CREB3L2: variants seen among roughly 807,000 people sequenced by gnomAD.
CREB3L2 encodes cyclic AMP-responsive element-binding protein 3-like protein 2.
Under a neutral mutation model 57.2 loss-of-function variants are expected in CREB3L2, and 23 were observed. The ratio of observed to expected loss-of-function variants is 0.40; its 90% confidence interval spans 0.29 to 0.57. The LOEUF (loss-of-function observed/expected upper bound fraction) is 0.57. Ranked by LOEUF, CREB3L2 falls within the 20% of genes least tolerant of loss-of-function variation. The pLI is 0.42. For synonymous variants in CREB3L2, 268 were observed against 265.1 expected (o/e 1.01, Z -0.11); for missense variants, 628 against 634.7 (o/e 0.99, Z 0.11).
intron 1 of CREB3L2, among the ~76,000 whole-genome samples, chr7:137,945,886 T>G (rs1800963677): frequency 6.6e-6 from 1 of 152,208 alleles, no homozygotes. Flanking sequence ...ATTTCCACCT[T>G]GAGCCGCTAC....
chr7:137,957,744 C>G lies in CREB3L2; in HGVS notation c.103-29378G>C, dbSNP rs754881110. 6 of 1,287,584 alleles carry G rather than the reference C, an allele frequency of 4.7e-6. No homozygotes were observed. The East Asian group carries it at 3.3e-4, about 71-fold the overall frequency. The allele number at this position is 1,287,584 out of a possible 1,614,324, so 79.8% of individuals were successfully genotyped here. On this transcript the variant is annotated intron_variant, in intron 1 of 11. Transcript: ENST00000330387. Reference sequence around the variant, plus strand: ...CTTCACAAGTTTTCTTCAAAGAACGCACCTGTAAGAAAGAAGACTGGCTGT... The same window carrying G: ...CTTCACAAGTTTTCTTCAAAGAACGGACCTGTAAGAAAGAAGACTGGCTGT...
intron 1 of CREB3L2, among the ~76,000 whole-genome samples, chr7:137,962,118 G>C (rs915571497): frequency 7.9e-5 from 12 of 152,164 alleles, no homozygotes; most frequent in African/African-American, 2.9e-4. Context: ...CTCACTGAAT[G>C]TTCACGTTGA....
At chr7:137,884,312 T>A (rs1799364314) in intron 10 of CREB3L2, 1 of 151,634 alleles carries the variant, frequency 6.6e-6, no homozygotes, top group Non-Finnish European at 1.5e-5. Flanking sequence ...AGTGGTGCGA[T>A]CTCGGCTCAC....
rs1799655178 is a variant in CREB3L2, at chr7:137,897,627, T to C, written c.1043+3727A>G. Among the ~76,000 whole-genome samples the C allele has an allele frequency of 3.9e-5, 6 of 152,258 alleles. No individual in the cohort carries two copies. In the South Asian group the frequency reaches 1.2e-3, roughly 32 times the overall value. ...ACCCACCTGCCTCGGCCTCCCAAAG[T>C]GCTAGGATTACAGTCATGAGCCACT... is the stretch of plus-strand genomic sequence containing the variant. On this transcript the variant is annotated intron_variant, in intron 8 of 11. Coordinates refer to ENST00000330387, the MANE Select transcript of CREB3L2 (RefSeq NM_194071.4).
chr7:138,000,773 T>C (rs1375534845), intron 1 of CREB3L2, among the ~76,000 whole-genome samples: 1 of 152,068 alleles, frequency 6.6e-6, no homozygotes, highest in African/African-American at 2.4e-5. Flanking sequence ...GTGCTGGCTA[T>C]TGAAAACAAA....
At chr7:137,955,156 T>A (rs1563264797) in intron 1 of CREB3L2, 1 of 539,436 alleles carries the variant, frequency 1.9e-6, no homozygotes, top group African/African-American at 1.9e-5. Context: ...TTATAAGTGG[T>A]TACAGATACG....
At chr7:137,888,904 A>G (rs1451959758) in intron 8 of CREB3L2, among the ~76,000 whole-genome samples, 1 of 151,990 alleles carries the variant, frequency 6.6e-6, no homozygotes, top group Admixed American at 6.6e-5. Flanking sequence ...TTCTCCATCC[A>G]GGCTTCAGTT....
chr7:137,925,383 A>G (rs1395502216), intron 2 of CREB3L2, among the ~76,000 whole-genome samples: 1 of 152,192 alleles, frequency 6.6e-6, no homozygotes, highest in Non-Finnish European at 1.5e-5. Flanking sequence ...GTATAATGAA[A>G]TATTAATTCC....
chr7:137,982,676 GT>G (rs1301095393), intron 1 of CREB3L2, among the ~76,000 whole-genome samples: 2 of 152,146 alleles, frequency 1.3e-5, no homozygotes, highest in Non-Finnish European at 2.9e-5. Flanking sequence ...ACGTGGAACT[GT>G]GAGTCAATTA....
At chr7:137,999,958 G>T (rs1802049076) in intron 1 of CREB3L2, 1 of 152,198 alleles carries the variant, frequency 6.6e-6, no homozygotes, top group South Asian at 2.1e-4. Flanking sequence ...TGTGCATAAG[G>T]TGTTAGTTAG....
intron 1 of CREB3L2, among the ~76,000 whole-genome samples, chr7:137,967,821 C>T (rs957514940): frequency 6.6e-6 from 1 of 152,234 alleles, no homozygotes; most frequent in African/African-American, 2.4e-5. Context: ...CCTGCATGAA[C>T]TTCCAACCAT....
At position 137,880,238 on chromosome 7, in the gene CREB3L2, G is replaced by A. The variant is rs1417862822; in HGVS notation, c.*238C>T. 3.7e-6 allele frequency: 2 copies of A among 541,416 alleles called. No homozygotes were observed. The highest frequency in any genetic ancestry group is 3.2e-5 in the Admixed American group (1 of 31,314). 33.5% of individuals were successfully genotyped at this position (541,416 alleles called of 1,614,324 possible). A position where few individuals can be genotyped will look rare whatever the true frequency, so the allele number is the denominator to read the frequency against. Reference sequence around the variant, plus strand: ...TCCAACCCCTAAAATAATTTCCTATGGCAGTAAGAGAAAGGAAGGGAGGGA... The same window carrying A: ...TCCAACCCCTAAAATAATTTCCTATAGCAGTAAGAGAAAGGAAGGGAGGGA... On this transcript the variant is annotated 3_prime_UTR_variant, in exon 12 of 12. Transcript: ENST00000330387. The surrounding 1 kb of genome is among the most constrained non-coding windows in gnomAD (Gnocchi z 4.0).
rs1052768981 is a variant in CREB3L2 at position 137,913,045 on chromosome 7, T to G, written c.529A>C (p.Ile177Leu). The stretch of plus-strand genomic sequence containing the variant: ...TCCACTTCATGAGGCTCCAGCTTAA[T>G]TTTAGGAATAATGGTCTGGCACGAG... ...DSSCQTIIPK[I>L]KLEPHEVDQF... Residue 177 changes from isoleucine to leucine, a missense_variant, in exon 4 of 12, where the codon ATT (isoleucine) becomes CTT (leucine). By Grantham distance (5) the Ile-to-Leu change is conservative. Around this residue, in one of 3 missense-constraint regions of CREB3L2, gnomAD observed 339 missense variants for 355.4 expected, o/e 0.95. Coordinates refer to ENST00000330387, the MANE Select transcript of CREB3L2 (RefSeq NM_194071.4). The G allele has an allele frequency of 1.2e-6, 2 of 1,613,970 alleles. No individual in the cohort carries two copies. Among genetic ancestry groups the G allele is most frequent in the Admixed American group, 1.7e-5 (1 of 59,984 alleles).
At position 137,874,984 on chromosome 7, in the gene CREB3L2, A is replaced by G. The variant is rs1258109359; in HGVS notation, c.*5492T>C. Reference sequence around the variant, plus strand: ...TATAAAGACTGGGCAACATCTTACTATTTAAGAAAAAATATTTATTTGCAA... The same window carrying G: ...TATAAAGACTGGGCAACATCTTACTGTTTAAGAAAAAATATTTATTTGCAA... On this transcript the variant is annotated 3_prime_UTR_variant, in exon 12 of 12. Transcript: ENST00000330387. 1.1e-5 allele frequency: 2 copies of G among 179,710 alleles called. No homozygotes were observed. The highest frequency in any genetic ancestry group is 4.7e-5 in the African/African-American group (2 of 42,340). 11.1% of individuals were successfully genotyped at this position (179,710 alleles called of 1,614,324 possible).
chr7:137,895,318 A>G (rs1799606783), intron 8 of CREB3L2, among the ~76,000 whole-genome samples: 1 of 152,264 alleles, frequency 6.6e-6, no homozygotes, highest in South Asian at 2.1e-4. Context: ...CCACACAGGC[A>G]CTGCTCAGAC....
In CREB3L2 at chr7:137,905,743, C is replaced by G; in HGVS notation, c.874G>C (p.Glu292Gln). The G allele has an allele frequency of 6.2e-7, 1 of 1,614,170 alleles. No individual in the cohort carries two copies. The highest frequency in any genetic ancestry group is 1.3e-5 in the African/African-American group (1 of 75,052). Residue 292 changes from glutamate to glutamine, a missense_variant, in exon 6 of 12, where the codon GAG becomes CAG. Physicochemically the swap from Glu to Gln is conservative, Grantham distance 29 (BLOSUM62 2). Transcript: ENST00000330387. ...PTKLPLSKSE[E>Q]KALKKIRRKI... Reference sequence around the variant, plus strand: ...CTCCGAATTTTCTTCAGGGCCTTCTCCTCTGATTTTGACAGGGGCAATTTG... The same window carrying G: ...CTCCGAATTTTCTTCAGGGCCTTCTGCTCTGATTTTGACAGGGGCAATTTG...
intron 1 of CREB3L2, among the ~76,000 whole-genome samples, chr7:137,989,903 C>A (rs1030453392): frequency 4.6e-5 from 7 of 152,200 alleles, no homozygotes; most frequent in African/African-American, 1.7e-4. Flanking sequence ...CCTCCCCTAT[C>A]CTCTCTTGAA....
intron 8 of CREB3L2, among the ~76,000 whole-genome samples, chr7:137,891,078 C>G (rs1799520336): frequency 6.6e-6 from 1 of 152,122 alleles, no homozygotes; most frequent in Non-Finnish European, 1.5e-5. Flanking sequence ...TTATCTGGGC[C>G]AACAGATTTT....
At chr7:137,956,948 T>C (rs770004860) in intron 1 of CREB3L2, among the ~76,000 whole-genome samples, 3 of 152,240 alleles carry the variant, frequency 2.0e-5, no homozygotes, top group Non-Finnish European at 4.4e-5. Context: ...TTTCCTTTTG[T>C]CAAACAGAGG....
Sources: allele counts gnomAD v4.1 joint callset (sites outside exome capture counted in the v4.1 genomes callset), GRCh38; gene constraint gnomAD v4.1.1; regional missense constraint gnomAD v4.1.1; non-coding constraint Gnocchi (gnomAD v3.1); transcripts MANE v1.5; gene names NCBI Gene and HGNC (gene_info 2026-07-23, HGNC 2026-07-21).